The following NKAIN3 variants were observed in gnomAD, a reference collection of about 807,000 sequenced individuals.
The protein encoded by NKAIN3 is sodium/potassium transporting ATPase interacting 3.
A neutral mutation model predicts 30.2 loss-of-function variants in NKAIN3; 25 were observed. The observed-to-expected ratio is 0.83, with a 90% CI of 0.60 to 1.16. The LOEUF (loss-of-function observed/expected upper bound fraction) is 1.16. NKAIN3 is among the 50% of genes most tolerant of loss of function. NKAIN3 has a pLI of 0.00. For missense variants in NKAIN3, 225 were observed against 254.1 expected (o/e 0.89, Z 0.78); for synonymous variants, 91 against 89.6 (o/e 1.02, Z -0.09).
At chr8:62,372,403 A>C (rs1816938969) in intron 1 of NKAIN3, among the ~76,000 whole-genome samples, 3 of 151,916 alleles carry the variant, frequency 2.0e-5, no homozygotes, top group Admixed American at 2.0e-4. Flanking sequence ...ATTTTCTCTG[A>C]ATTTTGGTAC....
intron 1 of NKAIN3, among the ~76,000 whole-genome samples, chr8:62,525,793 C>A: frequency 6.6e-6 from 1 of 152,104 alleles, no homozygotes; most frequent in East Asian, 1.9e-4. Flanking sequence ...GCTACAAAAT[C>A]TATGGTAAAA....
intron 3 of NKAIN3, among the ~76,000 whole-genome samples, chr8:62,656,109 C>T (rs1425807031): frequency 6.6e-6 from 1 of 152,060 alleles, no homozygotes; most frequent in East Asian, 1.9e-4. Flanking sequence ...AGTGCTGTGG[C>T]AGTGGCCTCG....
chr8:62,275,508 A>G (rs1812919737), intron 1 of NKAIN3, among the ~76,000 whole-genome samples: 1 of 152,196 alleles, frequency 6.6e-6, no homozygotes, highest in African/African-American at 2.4e-5. Context: ...GATTGCTTCC[A>G]TATTGATAGA....
intron 1 of NKAIN3, among the ~76,000 whole-genome samples, chr8:62,296,096 G>C (rs1813819339): frequency 6.6e-6 from 1 of 152,184 alleles, no homozygotes; most frequent in Admixed American, 6.6e-5. Flanking sequence ...GCTGTGATCT[G>C]TGTAATTCCA....
At chr8:62,460,042 G>A (rs556344851) in intron 1 of NKAIN3, among the ~76,000 whole-genome samples, 4 of 152,270 alleles carry the variant, frequency 2.6e-5, no homozygotes, top group African/African-American at 9.6e-5. Context: ...TAATAGAATG[G>A]TTAAGAGAAT....
At chr8:62,884,560 A>G (rs1445994883) in intron 4 of NKAIN3, among the ~76,000 whole-genome samples, 1 of 152,188 alleles carries the variant, frequency 6.6e-6, no homozygotes, top group Non-Finnish European at 1.5e-5. Flanking sequence ...TCAGCACTAA[A>G]GAATTTATAT....
At chr8:62,755,624 C>T (rs1420517549) in intron 4 of NKAIN3, among the ~76,000 whole-genome samples, 1 of 151,936 alleles carries the variant, frequency 6.6e-6, no homozygotes, top group Non-Finnish European at 1.5e-5. Context: ...CCAAAAGCCT[C>T]CCAGGATTAC....
intron 3 of NKAIN3, among the ~76,000 whole-genome samples, chr8:62,602,203 C>A (rs140042810): frequency 6.6e-6 from 1 of 151,970 alleles, no homozygotes; most frequent in Non-Finnish European, 1.5e-5. Flanking sequence ...GGGTTCAAAT[C>A]GTTTTTACCA....
rs192497093 is a variant in NKAIN3, at chr8:62,870,062, G to A, written c.472-48391G>A. On this transcript the variant is annotated intron_variant, in intron 4 of 6. Coordinates refer to ENST00000623646, the MANE Select transcript of NKAIN3 (RefSeq NM_001304533.3). Reference sequence around the variant, plus strand: ...TTGGATTACAGGTGTGAGCCACCGCGCCCAGCCCCAGCCCCCTTTCTTTGA... The same window carrying A: ...TTGGATTACAGGTGTGAGCCACCGCACCCAGCCCCAGCCCCCTTTCTTTGA... Among the ~76,000 whole-genome samples, 890 of 151,412 alleles carry A rather than the reference G, an allele frequency of 5.9e-3. 6 individuals are homozygous for A. The highest frequency in any genetic ancestry group is 0.02 in the African/African-American group (841 of 41,268).
At chr8:62,787,843 T>G (rs192367110) in intron 4 of NKAIN3, among the ~76,000 whole-genome samples, 11,615 of 151,112 alleles carry the variant, frequency 0.077, 476 homozygotes, top group Non-Finnish European at 0.082. Flanking sequence ...TCCATGTCCC[T>G]ACAAAGGATG....
At position 62,969,701 on chromosome 8, in the gene NKAIN3, C is replaced by A. The variant is rs577407715; in HGVS notation, c.*4294C>A. Among the ~76,000 whole-genome samples the A allele has an allele frequency of 6.6e-6, 1 of 152,112 alleles. No homozygotes were observed. Among genetic ancestry groups the A allele is most frequent in the Admixed American group, 6.5e-5 (1 of 15,270 alleles). On this transcript the variant is annotated 3_prime_UTR_variant, in exon 7 of 7. Transcript: ENST00000623646. Reference sequence around the variant, plus strand: ...AATAATTGCTCTTTTAAAACTATAACAACTTGAATGCCTGCGGTTTTATTT... The same window carrying A: ...AATAATTGCTCTTTTAAAACTATAAAAACTTGAATGCCTGCGGTTTTATTT...
chr8:62,883,457 G>GTTGTTGTTGTTTTTTTTTT, intron 4 of NKAIN3, among the ~76,000 whole-genome samples: 51 of 70,222 alleles, frequency 7.3e-4, no homozygotes, highest in South Asian at 1.2e-3. Flanking sequence ...AGTTTTATGG[G>GTTGTTGTTGTTTTTTTTTT]TTTTTTTTTT....
chr8:62,726,552 T>C (rs755213976), intron 3 of NKAIN3, among the ~76,000 whole-genome samples: 2 of 152,080 alleles, frequency 1.3e-5, no homozygotes, highest in Admixed American at 1.3e-4. Context: ...GTTGAAATGA[T>C]CACATGGTTT....
At chr8:62,636,395 G>A (rs1026659741) in intron 3 of NKAIN3, among the ~76,000 whole-genome samples, 3 of 151,982 alleles carry the variant, frequency 2.0e-5, no homozygotes, top group African/African-American at 7.2e-5. Flanking sequence ...ATACCCTTAA[G>A]CACACATGCT....
intron 3 of NKAIN3, among the ~76,000 whole-genome samples, chr8:62,669,363 T>C (rs1813228137): frequency 6.6e-6 from 1 of 152,154 alleles, no homozygotes; most frequent in Non-Finnish European, 1.5e-5. Flanking sequence ...CACTCCTAAC[T>C]TTGCCTCAGC....
intron 1 of NKAIN3, among the ~76,000 whole-genome samples, chr8:62,579,149 C>T (rs1375874658): frequency 6.6e-6 from 1 of 151,968 alleles, no homozygotes; most frequent in Admixed American, 6.6e-5. Flanking sequence ...TAAGACATCA[C>T]ATGTACCCCA....
chr8:62,255,169 A>G (rs972136984), intron 1 of NKAIN3, among the ~76,000 whole-genome samples: 2 of 152,234 alleles, frequency 1.3e-5, no homozygotes, highest in Non-Finnish European at 2.9e-5. Flanking sequence ...TGACACAAAG[A>G]CAGAAAAGCA....
At position 62,261,228 on chromosome 8, in the gene NKAIN3, C is replaced by G. The variant is rs183086116; in HGVS notation, c.54+12101C>G. Among the ~76,000 whole-genome samples the G allele has an allele frequency of 1.7e-4, 26 of 152,200 alleles. No individual in the cohort carries two copies. In the East Asian group the frequency reaches 4.8e-3, roughly 28 times the overall value. ...GTTTTATTTATTGCTTTGAATACGT[C>G]TGTAAAATTGTTTAAACATAATAGA... On this transcript the variant is annotated intron_variant, in intron 1 of 6. Transcript: ENST00000623646.
chr8:62,802,158 G>A (rs1388558337), intron 4 of NKAIN3, among the ~76,000 whole-genome samples: 2 of 152,228 alleles, frequency 1.3e-5, no homozygotes, highest in African/African-American at 4.8e-5. Flanking sequence ...GTACCTGAAA[G>A]TGACAGGGAG....
Sources: gnomAD v4.1 joint callset for allele counts (sites outside exome capture counted in the v4.1 genomes callset) on GRCh38, gnomAD v4.1.1 for gene constraint, MANE v1.5 for transcripts, NCBI Gene and HGNC (gene_info 2026-07-23, HGNC 2026-07-21) for gene names.